The following COL24A1 variants were observed in gnomAD, a reference collection of about 807,000 sequenced individuals.
The protein encoded by COL24A1 is collagen alpha-1(XXIV) chain.
COL24A1 carries 224 observed loss-of-function variants against 253.9 expected under a neutral mutation model. That is an observed-to-expected ratio of 0.88 (90% confidence interval 0.79 to 0.99). COL24A1 has a LOEUF of 0.99. Among genes scored for constraint, COL24A1 ranks in the 50% least tolerant of loss-of-function variants. The pLI is 0.00. For missense variants in COL24A1, 2,131 were observed against 2,068.5 expected, an observed-to-expected ratio of 1.03 and a Z score of -0.59; for synonymous variants, 685 against 673.7, an observed-to-expected ratio of 1.02 and a Z score of -0.26.
At chr1:86,149,241 C>T (rs1652386370) in intron 1 of COL24A1, among the ~76,000 whole-genome samples, 3 of 152,118 alleles carry the variant, frequency 2.0e-5, no homozygotes, top group Admixed American at 6.6e-5. Context: ...TCTCTCCTTG[C>T]CCCACAGAGA....
intron 42 of COL24A1, among the ~76,000 whole-genome samples, chr1:85,838,850 G>T (rs1570858089): frequency 6.6e-6 from 1 of 152,252 alleles, no homozygotes; most frequent in Non-Finnish European, 1.5e-5. Context: ...TATATAAAGA[G>T]AATCTCATAA....
chr1:86,121,025 G>A (rs904571557), intron 3 of COL24A1, among the ~76,000 whole-genome samples: 2 of 152,110 alleles, frequency 1.3e-5, no homozygotes, highest in Admixed American at 1.3e-4. Flanking sequence ...ATCATTCTGA[G>A]CAAACTATCA....
chr1:85,769,511 A>G (rs967669726), intron 53 of COL24A1, among the ~76,000 whole-genome samples: 2 of 152,118 alleles, frequency 1.3e-5, no homozygotes, highest in Non-Finnish European at 2.9e-5. Context: ...GGGTCAAAAC[A>G]TTAGCATGCC....
chr1:85,837,282 A>G (rs1032495088), intron 43 of COL24A1, among the ~76,000 whole-genome samples: 2 of 152,262 alleles, frequency 1.3e-5, no homozygotes, highest in South Asian at 2.1e-4. Flanking sequence ...GGTAATCGCA[A>G]CAATTTCACA....
intron 38 of COL24A1, among the ~76,000 whole-genome samples, chr1:85,848,080 T>C (rs567598817): frequency 6.6e-6 from 1 of 152,318 alleles, no homozygotes; most frequent in South Asian, 2.1e-4. Context: ...TATGTGTTGT[T>C]ACTATAAGAA....
chr1:85,896,642 C>T (rs1198035137), intron 28 of COL24A1, among the ~76,000 whole-genome samples: 3 of 152,062 alleles, frequency 2.0e-5, no homozygotes, highest in Non-Finnish European at 2.9e-5. Flanking sequence ...GGACTACAGG[C>T]GCTCGCCACC....
intron 10 of COL24A1, among the ~76,000 whole-genome samples, chr1:86,055,319 C>A (rs1700591082): frequency 6.6e-6 from 1 of 152,070 alleles, no homozygotes; most frequent in Non-Finnish European, 1.5e-5. Flanking sequence ...CATTTGAGAC[C>A]CTTTATGAAT....
intron 57 of COL24A1, among the ~76,000 whole-genome samples, 166 bp downstream of exon 57, chr1:85,744,500 T>G (rs1664991891): frequency 6.6e-6 from 1 of 151,782 alleles, no homozygotes; most frequent in Non-Finnish European, 1.5e-5. Flanking sequence ...GACATCAGAA[T>G]CATGTCTCCC....
At chr1:85,966,635 AAATT>A (rs1691593942) in intron 22 of COL24A1, among the ~76,000 whole-genome samples, 1 of 152,158 alleles carries the variant, frequency 6.6e-6, no homozygotes, top group Non-Finnish European at 1.5e-5. Context: ...GGAAGTAAAT[AAATT>A]GTTTCTAGGA....
Position 85,905,773 on chromosome 1 carries a change from T to G in COL24A1, c.2778+1421A>C, listed in dbSNP as rs570616703. Among the ~76,000 whole-genome samples the G allele has an allele frequency of 3.9e-5, 6 of 152,194 alleles. No individual in the cohort carries two copies. In the East Asian group the frequency reaches 1.2e-3, roughly 29 times the overall value. On this transcript the variant is annotated intron_variant, in intron 28 of 59. Transcript: ENST00000370571. ...GAACAAACGAACTTTCCATATGACT[T>G]AATGAGACAGCACAAAGTGGTTTAG... is the stretch of plus-strand genomic sequence containing the variant.
intron 24 of COL24A1, among the ~76,000 whole-genome samples, chr1:85,948,422 G>A (rs536763645): frequency 6.7e-6 from 1 of 149,662 alleles, no homozygotes; most frequent in Admixed American, 6.7e-5. Flanking sequence ...TACTCGGGAG[G>A]CTGAGGCAGG....
chr1:86,033,043 T>C (rs942197021), intron 13 of COL24A1, among the ~76,000 whole-genome samples: 10 of 152,148 alleles, frequency 6.6e-5, no homozygotes, highest in Middle Eastern at 3.2e-3. Flanking sequence ...TTTTAACAAT[T>C]TATTTGAAAA....
At chr1:85,866,858 CA>C (rs1679853536) in intron 37 of COL24A1, among the ~76,000 whole-genome samples, 1 of 152,050 alleles carries the variant, frequency 6.6e-6, no homozygotes, top group African/African-American at 2.4e-5. Context: ...CACAGTTCTC[CA>C]GGTCTGAGGG....
intron 48 of COL24A1, among the ~76,000 whole-genome samples, chr1:85,784,976 C>T (rs1425426359): frequency 6.6e-6 from 1 of 152,128 alleles, no homozygotes; most frequent in Non-Finnish European, 1.5e-5. Context: ...AGTGATCCTC[C>T]TGCATTAGCC....
intron 18 of COL24A1, 67 bp downstream of exon 18, chr1:86,022,173 T>C: frequency 1.5e-6 from 2 of 1,343,950 alleles, no homozygotes; most frequent in Non-Finnish European, 2.1e-6. Context: ...AGATCAACAG[T>C]GTCGAGACTC....
intron 6 of COL24A1, among the ~76,000 whole-genome samples, chr1:86,090,696 ATTTTTAAAT>A (rs1557581119): frequency 6.6e-6 from 1 of 152,162 alleles, no homozygotes; most frequent in African/African-American, 2.4e-5. Context: ...CTAACAGATC[ATTTTTAAAT>A]TTTACCATTT....
intron 25 of COL24A1, 47 bp downstream of exon 25, chr1:85,911,333 T>C: frequency 6.9e-7 from 1 of 1,442,168 alleles, no homozygotes; most frequent in Non-Finnish European, 9.7e-7. Context: ...CTTTTGAATT[T>C]AGCCTAGATT....
chr1:86,074,611 T>C (rs112508389), intron 7 of COL24A1, among the ~76,000 whole-genome samples: 12 of 152,246 alleles, frequency 7.9e-5, no homozygotes, highest in African/African-American at 2.9e-4. Flanking sequence ...GCAGACATAA[T>C]AGACATCTAC....
At chr1:85,870,954 T>G (rs1007768864) in intron 35 of COL24A1, among the ~76,000 whole-genome samples, 12 of 151,668 alleles carry the variant, frequency 7.9e-5, no homozygotes, top group East Asian at 3.9e-4. Context: ...CCGCTAGCAA[T>G]ACTAATAAAG....
Sources: gnomAD v4.1 joint callset for allele counts (sites outside exome capture counted in the v4.1 genomes callset) on GRCh38, gnomAD v4.1.1 for gene constraint, MANE v1.5 for transcripts, NCBI Gene and HGNC (gene_info 2026-07-23, HGNC 2026-07-21) for gene names.